Variants in MAGI2 observed in about 807,000 individuals in gnomAD.
MAGI2 encodes the protein membrane-associated guanylate kinase, WW and PDZ domain-containing protein 2.
In MAGI2, 35 loss-of-function variants were observed where a neutral mutation model predicts 133.3. That is an observed-to-expected ratio of 0.26 (90% confidence interval 0.20 to 0.35). The LOEUF (loss-of-function observed/expected upper bound fraction) is 0.35. Ranked by LOEUF, MAGI2 falls within the 10% of genes least tolerant of loss-of-function variation. The pLI is 1.00. For missense variants in MAGI2, 1,636 were observed against 1,863.4 expected, an observed-to-expected ratio of 0.88 and a Z score of 2.25; for synonymous variants, 729 against 710.6, an observed-to-expected ratio of 1.03 and a Z score of -0.41.
At chr7:78,996,659 A>T (rs1806338116) in intron 2 of MAGI2, among the ~76,000 whole-genome samples, 1 of 152,150 alleles carries the variant, frequency 6.6e-6, no homozygotes, top group Non-Finnish European at 1.5e-5. Flanking sequence ...CTGAACTTAA[A>T]ATAAAAGTTA....
At chr7:78,210,460 C>A (rs1787661136) in intron 10 of MAGI2, among the ~76,000 whole-genome samples, 1 of 152,008 alleles carries the variant, frequency 6.6e-6, no homozygotes, top group South Asian at 2.1e-4. Context: ...GTGTTGTTGG[C>A]TGAGATAAAA....
intron 3 of MAGI2, among the ~76,000 whole-genome samples, chr7:78,620,004 TTTTAAC>T (rs1306461049): frequency 3.9e-5 from 6 of 151,918 alleles, no homozygotes; most frequent in East Asian, 1.9e-4. Flanking sequence ...AGCTGGACCC[TTTTAAC>T]TTTAAGTGCC....
chr7:78,954,943 T>A (rs2115620107), intron 2 of MAGI2, among the ~76,000 whole-genome samples: 1 of 152,278 alleles, frequency 6.6e-6, no homozygotes, highest in African/African-American at 2.4e-5. Context: ...GTACAGTCTA[T>A]TATATCTGGC....
At chr7:78,779,395 C>G (rs779018865) in intron 2 of MAGI2, among the ~76,000 whole-genome samples, 1 of 152,164 alleles carries the variant, frequency 6.6e-6, no homozygotes, top group Non-Finnish European at 1.5e-5. Context: ...AAGTGAATTA[C>G]TTTCCTGAAG....
chr7:78,996,346 T>A (rs1001869088), intron 2 of MAGI2, among the ~76,000 whole-genome samples: 2 of 152,194 alleles, frequency 1.3e-5, no homozygotes, highest in African/African-American at 2.4e-5. Context: ...AAATCTTTTG[T>A]CACTGAAGTG....
chr7:79,198,884 T>C (rs1052432060), intron 1 of MAGI2, among the ~76,000 whole-genome samples: 1 of 151,908 alleles, frequency 6.6e-6, no homozygotes, highest in Admixed American at 6.6e-5. Flanking sequence ...TGAGACCCTG[T>C]CTCAAAAAAT....
At chr7:78,522,857 A>G (rs923296623) in intron 3 of MAGI2, among the ~76,000 whole-genome samples, 1 of 152,210 alleles carries the variant, frequency 6.6e-6, no homozygotes, top group Non-Finnish European at 1.5e-5. Flanking sequence ...ACTCATTAAA[A>G]TCTTTATTGG....
intron 2 of MAGI2, among the ~76,000 whole-genome samples, chr7:78,642,491 T>C (rs1051751034): frequency 1.6e-4 from 24 of 152,236 alleles, no homozygotes; most frequent in African/African-American, 5.8e-4. Flanking sequence ...TAATTTTTAA[T>C]ATATTCAGTA....
chr7:78,737,574 C>T (rs1326300518), intron 2 of MAGI2, among the ~76,000 whole-genome samples: 1 of 152,152 alleles, frequency 6.6e-6, no homozygotes, highest in African/African-American at 2.4e-5. Context: ...TCTTCATATA[C>T]TTCAACCAAT....
At chr7:79,363,997 A>C (rs547299147) in intron 1 of MAGI2, among the ~76,000 whole-genome samples, 5 of 152,022 alleles carry the variant, frequency 3.3e-5, no homozygotes, top group Non-Finnish European at 5.9e-5. Context: ...AAAATGTTTA[A>C]CATCTCTAAT....
intron 2 of MAGI2, among the ~76,000 whole-genome samples, chr7:78,797,465 G>A (rs1224637431): frequency 6.6e-6 from 1 of 152,038 alleles, no homozygotes; most frequent in Non-Finnish European, 1.5e-5. Flanking sequence ...TTAATCTCAG[G>A]TGTAGAAGCA....
chr7:78,712,972 C>T (rs323139), intron 2 of MAGI2, among the ~76,000 whole-genome samples: 103,752 of 152,058 alleles, frequency 0.68, 35,819 homozygotes, highest in African/African-American at 0.79. Context: ...ATTTTAGCAT[C>T]GCAACAATCT....
intron 21 of MAGI2, among the ~76,000 whole-genome samples, chr7:78,054,845 G>T (rs1399812237): frequency 6.6e-6 from 1 of 151,974 alleles, no homozygotes; most frequent in Non-Finnish European, 1.5e-5. Flanking sequence ...TAGATACAGG[G>T]TCCCACTACG....
intron 1 of MAGI2, among the ~76,000 whole-genome samples, chr7:79,067,296 G>A (rs1814454191): frequency 2.0e-5 from 3 of 152,082 alleles, no homozygotes; most frequent in Non-Finnish European, 4.4e-5. Context: ...GTGGTTTGTA[G>A]TTCTCCTTGA....
chr7:78,787,219 T>C (rs982083396), intron 2 of MAGI2, among the ~76,000 whole-genome samples: 1 of 152,174 alleles, frequency 6.6e-6, no homozygotes, highest in Non-Finnish European at 1.5e-5. Flanking sequence ...GTGCTGGGAT[T>C]ACAGGCGTGA....
At chr7:78,368,885 A>G (rs1793646521) in intron 7 of MAGI2, among the ~76,000 whole-genome samples, 1 of 152,174 alleles carries the variant, frequency 6.6e-6, no homozygotes, top group South Asian at 2.1e-4. Flanking sequence ...ATTTACTTTG[A>G]TATCTTTAAT....
intron 1 of MAGI2, among the ~76,000 whole-genome samples, chr7:79,169,469 A>G (rs1825305192): frequency 6.6e-6 from 1 of 152,096 alleles, no homozygotes; most frequent in South Asian, 2.1e-4. Context: ...ACTTTAAAGC[A>G]GCATTTAACA....
chr7:78,656,566 G>A (rs969149917), intron 2 of MAGI2, among the ~76,000 whole-genome samples: 1 of 152,106 alleles, frequency 6.6e-6, no homozygotes. Context: ...TGGTCAAAGA[G>A]TACAAAGTTG....
intron 1 of MAGI2, among the ~76,000 whole-genome samples, chr7:79,012,654 A>T (rs1198492261): frequency 6.6e-6 from 1 of 152,168 alleles, no homozygotes; most frequent in Non-Finnish European, 1.5e-5. Flanking sequence ...TCAGTCAGGT[A>T]AACAAGTTTT....
Sources: allele counts gnomAD v4.1 joint callset (sites outside exome capture counted in the v4.1 genomes callset), GRCh38; gene constraint gnomAD v4.1.1; transcripts MANE v1.5; gene names NCBI Gene and HGNC (gene_info 2026-07-23, HGNC 2026-07-21).